The following TIGAR variants were observed in gnomAD, a reference collection of about 807,000 sequenced individuals.
The protein encoded by TIGAR is TP53 induced glycolysis regulatory phosphatase.
TIGAR carries 7 observed loss-of-function variants against 17.9 expected under a neutral mutation model. That is an observed-to-expected ratio of 0.39 (90% CI 0.22 to 0.73). TIGAR has a LOEUF of 0.73. Ranked by LOEUF, TIGAR falls within the 30% of genes least tolerant of loss-of-function variation. TIGAR has a pLI of 0.42. For synonymous variants in TIGAR, 94 were observed against 108.6 expected (o/e 0.87, Z 0.84); for missense variants, 258 against 327.4 (o/e 0.79, Z 1.64).
chr12:4,355,560 GTCACATGCATCTCT>G lies in TIGAR; in HGVS notation c.*2873_*2886del, dbSNP rs1163496575. ...AAATTCTGTTACAAATTTTATTGGAGTCACATGCATCTCTTCATCTATTCAATACGTATTTTTTG... is the reference window on the plus strand; with the variant it reads ...AAATTCTGTTACAAATTTTATTGGAGTCATCTATTCAATACGTATTTTTTG... On this transcript the variant is annotated 3_prime_UTR_variant, in exon 6 of 6. Coordinates refer to ENST00000179259, the MANE Select transcript of TIGAR (RefSeq NM_020375.3). 1.3e-5 allele frequency among the ~76,000 whole-genome samples: 2 copies of G among 152,188 alleles called. No individual in the cohort carries two copies.
At chr12:4,337,398 G>T (rs1864671829) in intron 3 of TIGAR, among the ~76,000 whole-genome samples, 1 of 152,178 alleles carries the variant, frequency 6.6e-6, no homozygotes, top group Non-Finnish European at 1.5e-5. Context: ...AACCTCAGGT[G>T]ATCCACTTGC....
At chr12:4,348,293 A>G (rs1864802501) in intron 3 of TIGAR, among the ~76,000 whole-genome samples, 1 of 152,226 alleles carries the variant, frequency 6.6e-6, no homozygotes, top group South Asian at 2.1e-4. Flanking sequence ...AATTTTACAG[A>G]ATTTACAGAA....
chr12:4,326,313 T>C (rs1864545665), intron 1 of TIGAR, among the ~76,000 whole-genome samples: 2 of 152,216 alleles, frequency 1.3e-5, no homozygotes, highest in Non-Finnish European at 2.9e-5. Context: ...TTAAGGGAAA[T>C]AGATTAATAG....
At position 4,351,323 on chromosome 12, in the gene TIGAR, AGCC is replaced by A; in HGVS notation, c.328_330del (p.Ala110del). On this transcript the variant is annotated inframe_deletion, in exon 5 of 6. Transcript: ENST00000179259. ...GTGAGCTGAGGGCCATGGCCAAAGCAGCCAGGGAAGAGTGCCCTGTGTTTACAC... is the reference window on the plus strand; with the variant it reads ...GTGAGCTGAGGGCCATGGCCAAAGCAAGGGAAGAGTGCCCTGTGTTTACAC... 1 of 1,614,250 alleles carries A rather than the reference AGCC, an allele frequency of 6.2e-7. No individual in the cohort carries two copies. The highest frequency in any genetic ancestry group is 1.1e-5 in the South Asian group (1 of 91,088).
At chr12:4,323,102 C>CAA (rs574120048) in intron 1 of TIGAR, among the ~76,000 whole-genome samples, 3 of 90,958 alleles carry the variant, frequency 3.3e-5, no homozygotes, top group Admixed American at 1.1e-4. Context: ...CTCCTCTCTA[C>CAA]AAAAAAAAAA....
chr12:4,327,030 A>G (rs561109436), intron 1 of TIGAR, among the ~76,000 whole-genome samples: 2 of 152,348 alleles, frequency 1.3e-5, no homozygotes, highest in East Asian at 1.9e-4. Flanking sequence ...AAAGAAATGA[A>G]TCATAAATCA....
intron 1 of TIGAR, among the ~76,000 whole-genome samples, chr12:4,322,879 T>C (rs1864495611): frequency 6.6e-6 from 1 of 152,148 alleles, no homozygotes; most frequent in Non-Finnish European, 1.5e-5. Context: ...AGCTAATCGG[T>C]AGCAGAACAG....
At chr12:4,328,530 G>A (rs12424454) in intron 1 of TIGAR, among the ~76,000 whole-genome samples, 34,143 of 151,092 alleles carry the variant, frequency 0.23, 3,871 homozygotes, top group South Asian at 0.3. Context: ...AATGATAATG[G>A]CAAATCAGTG....
At position 4,321,326 on chromosome 12, in the gene TIGAR, G is replaced by A; in HGVS notation, c.32+23G>A. ...GCAGTGAGTATGGCTGTGGCAGGAT[G>A]TCTTTCTCTCTCTCTTCCTTGAGTG... On this transcript the variant is annotated intron_variant, in intron 1 of 5. Transcript: ENST00000179259. This position sits in a 1 kb window ranked among gnomAD's most constrained non-coding sequence, Gnocchi z 5.2. 6.2e-7 allele frequency: 1 copy of A among 1,600,568 alleles called. No homozygotes were observed. Among genetic ancestry groups the A allele is most frequent in the Non-Finnish European group, 8.5e-7 (1 of 1,179,714 alleles).
At position 4,355,728 on chromosome 12, in the gene TIGAR, G is replaced by A. The variant is rs1864893187; in HGVS notation, c.*3037G>A. ...CATTTGTTCTGTCAGAGAAGACAGTGTGTTGGCTCACATTGTGGTCAGTGC... is the reference window on the plus strand; with the variant it reads ...CATTTGTTCTGTCAGAGAAGACAGTATGTTGGCTCACATTGTGGTCAGTGC... On this transcript the variant is annotated 3_prime_UTR_variant, in exon 6 of 6. Coordinates refer to ENST00000179259, the MANE Select transcript of TIGAR (RefSeq NM_020375.3). Among the ~76,000 whole-genome samples the A allele has an allele frequency of 6.6e-6, 1 of 152,330 alleles. No individual in the cohort carries two copies. The highest frequency in any genetic ancestry group is 6.5e-5 in the Admixed American group (1 of 15,300).
intron 3 of TIGAR, among the ~76,000 whole-genome samples, chr12:4,345,227 A>G (rs1864766955): frequency 6.6e-6 from 1 of 152,202 alleles, no homozygotes; most frequent in Non-Finnish European, 1.5e-5. Context: ...CGAGCTACCA[A>G]TGACTTTCTT....
chr12:4,349,678 A>G (rs1228517886), intron 3 of TIGAR, 141 bp from the exon 4 acceptor site: 1 of 619,692 alleles, frequency 1.6e-6, no homozygotes, highest in African/African-American at 2.0e-5. Context: ...CAGCCTCCCA[A>G]AGTGCTGGGA....
rs190467632 is a variant in TIGAR, at chr12:4,358,654, T to G, written c.*5963T>G. On this transcript the variant is annotated 3_prime_UTR_variant, in exon 6 of 6. Coordinates refer to ENST00000179259, the MANE Select transcript of TIGAR (RefSeq NM_020375.3). ...ATATCTGAGTCAGGAAATTTGACATTGATATTGCCTATTAGCTAATCCTTA... is the reference window on the plus strand; with the variant it reads ...ATATCTGAGTCAGGAAATTTGACATGGATATTGCCTATTAGCTAATCCTTA... Among the ~76,000 whole-genome samples the G allele has an allele frequency of 6.6e-6, 1 of 152,198 alleles. No homozygotes were observed. Among genetic ancestry groups the G allele is most frequent in the East Asian group, 1.9e-4 (1 of 5,188 alleles).
intron 3 of TIGAR, 25 bp downstream of exon 3, chr12:4,337,185 T>G (rs906104801): frequency 6.5e-7 from 1 of 1,544,410 alleles, no homozygotes; most frequent in African/African-American, 1.4e-5. Flanking sequence ...TTATTTATTT[T>G]GAGACAGAGC....
rs182038918 is a variant in TIGAR at position 4,337,781 on chromosome 12, A to T, written c.192+621A>T. On this transcript the variant is annotated intron_variant, in intron 3 of 5. Coordinates refer to ENST00000179259, the MANE Select transcript of TIGAR (RefSeq NM_020375.3). ...AGATAGAGTAAGAAACCACTATGTC[A>T]CTGTAAAGAAATAAAAGACTTGTTA... Among the ~76,000 whole-genome samples, 121 of 152,364 alleles carry T rather than the reference A, an allele frequency of 7.9e-4. No individual in the cohort carries two copies. In the South Asian group the frequency reaches 0.013, roughly 16 times the overall value.
intron 4 of TIGAR, among the ~76,000 whole-genome samples, chr12:4,350,793 A>G (rs972710755): frequency 2.0e-5 from 3 of 151,500 alleles, no homozygotes; most frequent in Admixed American, 1.3e-4. Flanking sequence ...AAAAAAAAGA[A>G]AAAAAAAGAA....
In TIGAR at chr12:4,359,803, G is replaced by A. The variant is rs1864955008; in HGVS notation, c.*7112G>A. On this transcript the variant is annotated 3_prime_UTR_variant, in exon 6 of 6. Coordinates refer to ENST00000179259, the MANE Select transcript of TIGAR (RefSeq NM_020375.3). ...ACTTGCCAGATCTTTTTCCATGGTG[G>A]TTGTACCATTTCATGCTTATCAACA... Among the ~76,000 whole-genome samples, 2 of 152,088 alleles carry A rather than the reference G, an allele frequency of 1.3e-5. No individual in the cohort carries two copies. Among genetic ancestry groups the A allele is most frequent in the African/African-American group, 4.8e-5 (2 of 41,410 alleles).
Position 4,354,542 on chromosome 12 carries a change from T to G in TIGAR, c.*1851T>G, listed in dbSNP as rs901960922. On this transcript the variant is annotated 3_prime_UTR_variant, in exon 6 of 6. Coordinates refer to ENST00000179259, the MANE Select transcript of TIGAR (RefSeq NM_020375.3). ...CCTAGTGTCTGGAAGGAGATGGTACTGTTTTGGTGCTTTAAAAATAAATAT... is the reference window on the plus strand; with the variant it reads ...CCTAGTGTCTGGAAGGAGATGGTACGGTTTTGGTGCTTTAAAAATAAATAT... 3 of 152,088 alleles carry G rather than the reference T, an allele frequency of 2.0e-5. No individual in the cohort carries two copies. Among genetic ancestry groups the G allele is most frequent in the Non-Finnish European group, 4.4e-5 (3 of 68,022 alleles). The allele number at this position is 152,088 out of a possible 1,614,324, so 9.4% of individuals were successfully genotyped here. A position where few individuals can be genotyped will look rare whatever the true frequency, so the allele number is the denominator to read the frequency against.
intron 1 of TIGAR, among the ~76,000 whole-genome samples, chr12:4,325,688 G>A (rs1438477631): frequency 6.8e-6 from 1 of 146,570 alleles, no homozygotes; most frequent in African/African-American, 2.5e-5. Flanking sequence ...GTTGCAGTGA[G>A]CCCAGATTGC....
Sources: gnomAD v4.1 joint callset for allele counts (sites outside exome capture counted in the v4.1 genomes callset) on GRCh38, gnomAD v4.1.1 for gene constraint, Gnocchi (gnomAD v3.1) non-coding constraint, MANE v1.5 for transcripts, NCBI Gene and HGNC (gene_info 2026-07-23, HGNC 2026-07-21) for gene names.